PPM1D: variants seen among roughly 807,000 people sequenced by gnomAD.
PPM1D encodes protein phosphatase 1D.
PPM1D carries 52 observed loss-of-function variants against 58.3 expected under a neutral mutation model. The observed-to-expected ratio is 0.89, with a 90% CI of 0.71 to 1.12. PPM1D has a LOEUF of 1.12. Among genes scored for constraint, PPM1D ranks in the 50% most tolerant of loss-of-function variants. The pLI is 0.00. For missense variants in PPM1D, 564 were observed against 777.2 expected, an observed-to-expected ratio of 0.73 and a Z score of 3.26; for synonymous variants, 278 against 285.1, an observed-to-expected ratio of 0.98 and a Z score of 0.25.
intron 2 of PPM1D, 113 bp from the exon 3 acceptor site, chr17:60,633,740 G>A (rs1336738267): frequency 3.6e-6 from 4 of 1,121,956 alleles, no homozygotes; most frequent in Non-Finnish European, 5.0e-6. Context: ...AAACACATAA[G>A]ACATTATTTT....
chr17:60,623,431 A>G (rs2030745216), intron 1 of PPM1D, 90 bp from the exon 2 acceptor site: 4 of 1,243,406 alleles, frequency 3.2e-6, no homozygotes, highest in East Asian at 2.4e-5. Context: ...GAATGTTAAC[A>G]TGCTAATTCA....
intron 2 of PPM1D, among the ~76,000 whole-genome samples, chr17:60,628,391 T>C (rs1379341704): frequency 6.6e-6 from 1 of 152,150 alleles, no homozygotes; most frequent in East Asian, 1.9e-4. Flanking sequence ...ACATTAGGGT[T>C]CACTCCGGGT....
Position 60,611,506 on chromosome 17 carries a change from C to T in PPM1D, c.472+10620C>T, listed in dbSNP as rs558194683. Among the ~76,000 whole-genome samples, 8 of 151,854 alleles carry T rather than the reference C, an allele frequency of 5.3e-5. No individual in the cohort carries two copies. In the East Asian group the frequency reaches 1.2e-3, roughly 22 times the overall value. Reference sequence around the variant, plus strand: ...GTGCAGCGGCACGATCTTGGCTCTGCCTCCTAGTTTCAAGCAATCCTCCTG... The same window carrying T: ...GTGCAGCGGCACGATCTTGGCTCTGTCTCCTAGTTTCAAGCAATCCTCCTG... On this transcript the variant is annotated intron_variant, in intron 1 of 5. Coordinates refer to ENST00000305921, the MANE Select transcript of PPM1D (RefSeq NM_003620.4).
chr17:60,644,628 T>G (rs1271898653), intron 3 of PPM1D, among the ~76,000 whole-genome samples: 1 of 152,230 alleles, frequency 6.6e-6, no homozygotes, highest in Non-Finnish European at 1.5e-5. Context: ...GTTTTGAGTC[T>G]GTAATCTAAT....
In PPM1D at chr17:60,663,524, A is replaced by G; in HGVS notation, c.1790A>G (p.Gln597Arg). 1 of 1,610,150 alleles carries G rather than the reference A, an allele frequency of 6.2e-7. No homozygotes were observed. Among genetic ancestry groups the G allele is most frequent in the Non-Finnish European group, 8.5e-7 (1 of 1,179,792 alleles). The part of the protein sequence containing the change: ...QKKIGNPLLH[Q>R]HRKTVCVC ...AAAATTGGAAATCCTTTACTTCATCAACACAGGAAAACTGTTTGTGTTTGC... is the reference window on the plus strand; with the variant it reads ...AAAATTGGAAATCCTTTACTTCATCGACACAGGAAAACTGTTTGTGTTTGC... The change falls in exon 6 of 6, where the codon CAA (glutamine) becomes CGA (arginine). Residue 597 changes from glutamine to arginine, a missense_variant. Coordinates refer to ENST00000305921, the MANE Select transcript of PPM1D (RefSeq NM_003620.4).
Sources: gnomAD v4.1 joint callset for allele counts (sites outside exome capture counted in the v4.1 genomes callset) on GRCh38, gnomAD v4.1.1 for gene constraint, MANE v1.5 for transcripts, NCBI Gene and HGNC (gene_info 2026-07-23, HGNC 2026-07-21) for gene names.